Variants in SORCS3 observed in about 807,000 individuals in gnomAD.
SORCS3 encodes sortilin related VPS10 domain containing receptor 3, also known as VPS10 domain-containing receptor SorCS3.
In SORCS3, 57 loss-of-function variants were observed where a neutral mutation model predicts 146.3. That is an observed-to-expected ratio of 0.39 (90% CI 0.31 to 0.49). The LOEUF is 0.49. Among genes scored for constraint, SORCS3 ranks in the 20% least tolerant of loss-of-function variants. SORCS3 has a pLI of 0.92. For missense variants in SORCS3, 1,341 were observed against 1,575.5 expected, an observed-to-expected ratio of 0.85 and a Z score of 2.52; for synonymous variants, 653 against 618.5, an observed-to-expected ratio of 1.06 and a Z score of -0.83.
At chr10:104,844,338 A>C (rs549768513) in intron 2 of SORCS3, among the ~76,000 whole-genome samples, 1 of 152,094 alleles carries the variant, frequency 6.6e-6, no homozygotes, top group Non-Finnish European at 1.5e-5. Context: ...GCTTGGTCAA[A>C]TCATGAAACA....
intron 11 of SORCS3, among the ~76,000 whole-genome samples, chr10:105,159,978 C>T (rs12267193): frequency 0.08 from 12,149 of 152,220 alleles, 610 homozygotes; most frequent in Middle Eastern, 0.15. Flanking sequence ...ATGCTTAATA[C>T]CACTGGCTTC....
intron 25 of SORCS3, among the ~76,000 whole-genome samples, chr10:105,260,807 G>A (rs1261571576): frequency 6.6e-6 from 1 of 152,150 alleles, no homozygotes; most frequent in Non-Finnish European, 1.5e-5. Flanking sequence ...TAGGATGGGT[G>A]TCCGATGTCC....
At chr10:104,704,266 C>A (rs2033518753) in intron 1 of SORCS3, among the ~76,000 whole-genome samples, 1 of 151,510 alleles carries the variant, frequency 6.6e-6, no homozygotes, top group African/African-American at 2.4e-5. Flanking sequence ...TTCCTAGACT[C>A]AAGTGATCCT....
At chr10:104,891,675 C>T (rs79193317) in intron 2 of SORCS3, among the ~76,000 whole-genome samples, 2,463 of 152,126 alleles carry the variant, frequency 0.016, 68 homozygotes, top group African/African-American at 0.056. Context: ...TTCATGTGAG[C>T]GGGTAAATTC....
At chr10:105,070,254 A>G (rs1482931546) in intron 5 of SORCS3, among the ~76,000 whole-genome samples, 2 of 152,330 alleles carry the variant, frequency 1.3e-5, no homozygotes, top group African/African-American at 4.8e-5. Context: ...TACTAGACCT[A>G]TATCATAGTT....
At chr10:104,771,385 A>G (rs145699282) in intron 1 of SORCS3, among the ~76,000 whole-genome samples, 54 of 152,286 alleles carry the variant, frequency 3.5e-4, no homozygotes, top group African/African-American at 1.3e-3. Flanking sequence ...TGTGTGCAAG[A>G]GTAGAGGTGG....
At chr10:105,096,892 T>C (rs2055750431) in intron 6 of SORCS3, among the ~76,000 whole-genome samples, 1 of 152,240 alleles carries the variant, frequency 6.6e-6, no homozygotes, top group Non-Finnish European at 1.5e-5. Context: ...AATTTTTATA[T>C]TGATGATATG....
intron 2 of SORCS3, among the ~76,000 whole-genome samples, chr10:104,849,011 A>C (rs1231634920): frequency 6.6e-6 from 1 of 152,214 alleles, no homozygotes; most frequent in Non-Finnish European, 1.5e-5. Flanking sequence ...AAAATACAAA[A>C]CAATTCTAGG....
At chr10:104,829,468 G>A (rs1206815099) in intron 1 of SORCS3, among the ~76,000 whole-genome samples, 1 of 152,274 alleles carries the variant, frequency 6.6e-6, no homozygotes, top group Admixed American at 6.5e-5. Flanking sequence ...GAAAGGTACG[G>A]GAAAGTTGAA....
chr10:104,675,717 A>C (rs1352548510), intron 1 of SORCS3, among the ~76,000 whole-genome samples: 2 of 152,070 alleles, frequency 1.3e-5, no homozygotes, highest in African/African-American at 4.8e-5. Context: ...CCATTGCTCT[A>C]TTTTCCTATC....
chr10:104,739,329 G>A (rs2016813909), intron 1 of SORCS3, among the ~76,000 whole-genome samples: 1 of 152,186 alleles, frequency 6.6e-6, no homozygotes, highest in African/African-American at 2.4e-5. Context: ...AGGCAAATGG[G>A]TCAATTTCTT....
intron 14 of SORCS3, among the ~76,000 whole-genome samples, chr10:105,185,847 A>G (rs2056472207): frequency 6.6e-6 from 1 of 152,190 alleles, no homozygotes; most frequent in African/African-American, 2.4e-5. Context: ...ATTCATAGAA[A>G]TATATGTGGT....
At chr10:104,660,900 C>T (rs1161639246) in intron 1 of SORCS3, among the ~76,000 whole-genome samples, 1 of 152,214 alleles carries the variant, frequency 6.6e-6, no homozygotes, top group Non-Finnish European at 1.5e-5. Context: ...TGGCTCTTCT[C>T]TCTGTGTTGG....
chr10:105,119,730 G>C (rs749561549), intron 7 of SORCS3, among the ~76,000 whole-genome samples: 51 of 152,306 alleles, frequency 3.3e-4, no homozygotes, highest in Admixed American at 1.2e-3. Flanking sequence ...CATGGGGCCT[G>C]TGGTGCCTTT....
intron 4 of SORCS3, among the ~76,000 whole-genome samples, chr10:105,023,592 A>G (rs547165001): frequency 6.6e-6 from 1 of 152,280 alleles, no homozygotes; most frequent in East Asian, 1.9e-4. Context: ...TTTGAGTCGC[A>G]GGCTGTGCAC....
intron 2 of SORCS3, among the ~76,000 whole-genome samples, chr10:104,867,217 AGGAGG>A (rs369835692): frequency 4.4e-5 from 5 of 112,708 alleles, no homozygotes; most frequent in South Asian, 3.0e-4. Flanking sequence ...AGGAGAGGAG[AGGAGG>A]GGGTGCTTTT....
At chr10:104,864,699 G>T (rs571461421) in intron 2 of SORCS3, among the ~76,000 whole-genome samples, 1 of 152,254 alleles carries the variant, frequency 6.6e-6, no homozygotes, top group East Asian at 1.9e-4. Flanking sequence ...TGAGTGTTAA[G>T]GTGAATATAC....
intron 2 of SORCS3, among the ~76,000 whole-genome samples, chr10:104,873,395 T>C (rs1273858927): frequency 6.6e-6 from 1 of 152,200 alleles, no homozygotes; most frequent in Non-Finnish European, 1.5e-5. Flanking sequence ...GTACAGTTGT[T>C]GAGCAGTGGG....
At position 105,089,803 on chromosome 10, in the gene SORCS3, G is replaced by T; in HGVS notation, c.1057G>T (p.Asp353Tyr). The T allele has an allele frequency of 1.2e-6, 2 of 1,614,136 alleles. No homozygotes were observed. Among genetic ancestry groups the T allele is most frequent in the Non-Finnish European group, 1.7e-6 (2 of 1,179,996 alleles). Residue 353 changes from aspartate to tyrosine, a missense_variant, in exon 6 of 27, where the codon GAC becomes TAC. Physicochemically the swap from Asp to Tyr is radical, Grantham distance 160 (BLOSUM62 -3). Transcript: ENST00000369701. Reference sequence around the variant, plus strand: ...GGTGGCCGGATTGGATAAGGAGGCGGACCTGGTGCACATGGAGGTGCGGAC... The same window carrying T: ...GGTGGCCGGATTGGATAAGGAGGCGTACCTGGTGCACATGGAGGTGCGGAC... ...WSVAGLDKEA[D>Y]LVHMEVRTTD...
Sources: gnomAD v4.1 joint callset for allele counts (sites outside exome capture counted in the v4.1 genomes callset) on GRCh38, gnomAD v4.1.1 for gene constraint, MANE v1.5 for transcripts, NCBI Gene and HGNC (gene_info 2026-07-23, HGNC 2026-07-21) for gene names.